Variants in NINJ1 observed in about 807,000 individuals in gnomAD.
NINJ1 encodes the protein ninjurin-1.
In NINJ1, 6 loss-of-function variants were observed where a neutral mutation model predicts 12.7. The ratio of observed to expected loss-of-function variants is 0.47; its 90% CI spans 0.26 to 0.93. NINJ1 has a LOEUF of 0.93. Among genes scored for constraint, NINJ1 ranks in the 40% least tolerant of loss-of-function variants. The pLI is 0.15. For synonymous variants in NINJ1, 100 were observed against 96.0 expected (o/e 1.04, Z -0.25); for missense variants, 170 against 213.0 (o/e 0.80, Z 1.26).
chr9:93,126,979 C>G (rs1827823752), intron 1 of NINJ1, among the ~76,000 whole-genome samples: 1 of 152,048 alleles, frequency 6.6e-6, no homozygotes, highest in South Asian at 2.1e-4. Context: ...CCGGTCTGTG[C>G]CCCCGGCCTC....
intron 1 of NINJ1, 117 bp from the exon 2 acceptor site, chr9:93,126,755 C>G (rs1230819308): frequency 4.2e-6 from 3 of 715,400 alleles, no homozygotes; most frequent in Non-Finnish European, 6.9e-6. Flanking sequence ...GCCCCCACCC[C>G]TGGTAAGTGC....
intron 3 of NINJ1, among the ~76,000 whole-genome samples, chr9:93,123,879 C>T (rs1388350863): frequency 1.3e-5 from 2 of 152,260 alleles, no homozygotes; most frequent in Non-Finnish European, 2.9e-5. Context: ...TGCTCCCAGG[C>T]TGTGTCACTG....
Position 93,126,608 on chromosome 9 carries a change from T to C in NINJ1, c.106A>G (p.Ile36Val). The C allele has an allele frequency of 6.2e-7, 1 of 1,602,344 alleles. No homozygotes were observed. Among genetic ancestry groups the C allele is most frequent in the Non-Finnish European group, 8.5e-7 (1 of 1,173,276 alleles). Residue 36 changes from isoleucine to valine, a missense_variant, in exon 2 of 4, where the codon ATC (isoleucine) becomes GTC (valine). Physicochemically the swap from Ile to Val is conservative, Grantham distance 29. Coordinates refer to ENST00000375446, the MANE Select transcript of NINJ1 (RefSeq NM_004148.4). Reference protein sequence around the residue: ...PARWGWRHGPINVNHYASKKS... With the variant: ...PARWGWRHGPVNVNHYASKKS... The stretch of plus-strand genomic sequence containing the variant: ...TTGCTGGCGTAATGGTTCACGTTGA[T>C]GGGCCCGTGCCTCCAGCCCCAGCGG...
At chr9:93,125,224 A>T (rs1051676424) in intron 2 of NINJ1, 162 bp from the exon 3 acceptor site, 1 of 672,558 alleles carries the variant, frequency 1.5e-6, no homozygotes, top group African/African-American at 1.8e-5. Flanking sequence ...AGAAAAATAC[A>T]TCTGTTTTGC....
chr9:93,129,346 T>C (rs1827858223), intron 1 of NINJ1, among the ~76,000 whole-genome samples: 1 of 152,248 alleles, frequency 6.6e-6, no homozygotes, highest in Non-Finnish European at 1.5e-5. Context: ...AGCCCCACTT[T>C]GTGCCTCAGT....
At chr9:93,134,098 G>A in intron 1 of NINJ1, 45 bp downstream of exon 1, 1 of 1,440,562 alleles carries the variant, frequency 6.9e-7, no homozygotes, top group East Asian at 2.7e-5. Context: ...GCCCCGAAAG[G>A]ACAGGGCCTG....
At chr9:93,133,778 T>TA (rs1431791415) in intron 1 of NINJ1, among the ~76,000 whole-genome samples, 2 of 151,974 alleles carry the variant, frequency 1.3e-5, no homozygotes, top group African/African-American at 2.4e-5. Context: ...AGGCTGAAGT[T>TA]AGAGAGGCCC....
At chr9:93,126,181 AG>A (rs1827806424) in intron 2 of NINJ1, 1 of 551,716 alleles carries the variant, frequency 1.8e-6, no homozygotes, top group East Asian at 3.1e-5. Flanking sequence ...TGGGTGACAG[AG>A]GGGGACCTTG....
At chr9:93,126,663 A>C in intron 1 of NINJ1, 25 bp from the exon 2 acceptor site, 26 of 1,257,176 alleles carry the variant, frequency 2.1e-5, no homozygotes, top group East Asian at 2.8e-5. Flanking sequence ...ATGGTCAGCA[A>C]GGCGGGTGGG....
chr9:93,133,763 C>G (rs1390216712), intron 1 of NINJ1, among the ~76,000 whole-genome samples: 1 of 152,176 alleles, frequency 6.6e-6, no homozygotes, highest in African/African-American at 2.4e-5. Context: ...GGAGCCGGCA[C>G]GGCGAGGCTG....
At chr9:93,132,694 C>T (rs1827913583) in intron 1 of NINJ1, among the ~76,000 whole-genome samples, 1 of 152,238 alleles carries the variant, frequency 6.6e-6, no homozygotes, top group South Asian at 2.1e-4. Flanking sequence ...GGCTGTGTCT[C>T]TCTCCCTCTG....
intron 3 of NINJ1, among the ~76,000 whole-genome samples, chr9:93,124,316 T>C (rs765954813): frequency 1.3e-5 from 2 of 152,156 alleles, no homozygotes; most frequent in Non-Finnish European, 2.9e-5. Context: ...ACTCTGTCGC[T>C]CAGGCTGGAG....
At chr9:93,122,680 TG>T (rs1478622460) in intron 3 of NINJ1, among the ~76,000 whole-genome samples, 2 of 152,086 alleles carry the variant, frequency 1.3e-5, no homozygotes, top group African/African-American at 4.8e-5. Flanking sequence ...TGGCCCAGCA[TG>T]GGGGGCTCGG....
chr9:93,132,585 A>C (rs1395606111), intron 1 of NINJ1, among the ~76,000 whole-genome samples: 1 of 151,764 alleles, frequency 6.6e-6, no homozygotes, highest in Non-Finnish European at 1.5e-5. Flanking sequence ...CCCGCCCCCC[A>C]CGATGGGCTC....
At chr9:93,123,403 C>G (rs1257225346) in intron 3 of NINJ1, among the ~76,000 whole-genome samples, 2 of 152,262 alleles carry the variant, frequency 1.3e-5, no homozygotes, top group African/African-American at 4.8e-5. Context: ...TCCTGCCTCA[C>G]CCTCCTGAGT....
Position 93,134,158 on chromosome 9 carries a change from G to C in NINJ1, c.60C>G (p.Gly20=). ...LNGGLPPGTP[G]SPDASPARWG... is the part of the protein sequence containing the mutation. ...AAGGTCTTACCGAGGCGTCCGGGGA[G>C]CCGGGTGTGCCCGGAGGCAGGCCGC... The change falls in exon 1 of 4, where the codon GGC becomes GGG. Residue 20 remains glycine, a synonymous_variant. Transcript: ENST00000375446. 1.3e-6 allele frequency: 2 copies of C among 1,559,832 alleles called. No individual in the cohort carries two copies. Among genetic ancestry groups the C allele is most frequent in the Non-Finnish European group, 1.7e-6 (2 of 1,152,908 alleles).
chr9:93,123,324 G>T (rs1311259821), intron 3 of NINJ1, among the ~76,000 whole-genome samples: 1 of 151,792 alleles, frequency 6.6e-6, no homozygotes, highest in Non-Finnish European at 1.5e-5. Context: ...TCATACTGTT[G>T]CCCAGGCTGG....
chr9:93,122,450 G>T (rs1029560038), intron 3 of NINJ1, among the ~76,000 whole-genome samples: 1 of 105,888 alleles, frequency 9.4e-6, no homozygotes, highest in Non-Finnish European at 2.1e-5. Flanking sequence ...AGCCTGGAAG[G>T]AGGGAGAGGA....
At chr9:93,123,166 G>A (rs1329820240) in intron 3 of NINJ1, among the ~76,000 whole-genome samples, 2 of 152,122 alleles carry the variant, frequency 1.3e-5, no homozygotes, top group African/African-American at 2.4e-5. Flanking sequence ...GGGCCACTAC[G>A]AGCAGCGGTC....
Sources: allele counts gnomAD v4.1 joint callset (sites outside exome capture counted in the v4.1 genomes callset), GRCh38; gene constraint gnomAD v4.1.1; transcripts MANE v1.5; gene names NCBI Gene and HGNC (gene_info 2026-07-23, HGNC 2026-07-21).